CAMK2D: variants seen among roughly 807,000 people sequenced by gnomAD.
CAMK2D encodes the protein calcium/calmodulin-dependent protein kinase type II subunit delta.
Under a neutral mutation model 84.0 loss-of-function variants are expected in CAMK2D, and 37 were observed. The observed-to-expected ratio is 0.44, with a 90% confidence interval of 0.34 to 0.58. The LOEUF (loss-of-function observed/expected upper bound fraction) is 0.58, where lower values mean the gene tolerates loss of function less well. Among genes scored for constraint, CAMK2D ranks in the 20% least tolerant of loss-of-function variants. The pLI, the probability that CAMK2D is intolerant of heterozygous loss-of-function variation, is 0.02. For missense variants in CAMK2D, 448 were observed against 652.5 expected (o/e 0.69, Z 3.41); for synonymous variants, 202 against 212.5 (o/e 0.95, Z 0.43).
chr4:113,537,847 G>C (rs1560803364), intron 6 of CAMK2D, among the ~76,000 whole-genome samples: 1 of 152,108 alleles, frequency 6.6e-6, no homozygotes, highest in Non-Finnish European at 1.5e-5. Context: ...AACAAGAGTT[G>C]GACCAATCTA....
At chr4:113,617,062 A>G (rs964536745) in intron 3 of CAMK2D, among the ~76,000 whole-genome samples, 1 of 152,120 alleles carries the variant, frequency 6.6e-6, no homozygotes, top group Non-Finnish European at 1.5e-5. Context: ...ATGAATTTTG[A>G]TTGGTGATTC....
At chr4:113,749,611 A>G (rs186713279) in intron 2 of CAMK2D, among the ~76,000 whole-genome samples, 26 of 152,334 alleles carry the variant, frequency 1.7e-4, no homozygotes, top group African/African-American at 4.8e-4. Context: ...TTTTAAACTC[A>G]AACATGTTAA....
At chr4:113,741,445 A>T (rs910879739) in intron 2 of CAMK2D, among the ~76,000 whole-genome samples, 1 of 152,136 alleles carries the variant, frequency 6.6e-6, no homozygotes, top group Admixed American at 6.6e-5. Context: ...CTCATCTCTT[A>T]CTGTGACTAA....
chr4:113,618,645 C>A (rs939528413), intron 3 of CAMK2D, among the ~76,000 whole-genome samples: 1 of 151,918 alleles, frequency 6.6e-6, no homozygotes, highest in African/African-American at 2.4e-5. Context: ...ATAACATTTG[C>A]CTCTATATAT....
intron 2 of CAMK2D, among the ~76,000 whole-genome samples, chr4:113,689,832 A>T (rs2099380037): frequency 6.6e-6 from 1 of 152,188 alleles, no homozygotes; most frequent in Admixed American, 6.5e-5. Context: ...ATCTGTTCTC[A>T]TGCCCTACCA....
chr4:113,552,136 A>T (rs2098633500), intron 4 of CAMK2D, 40 bp from the exon 5 acceptor site: 1 of 978,846 alleles, frequency 1.0e-6, no homozygotes, highest in Non-Finnish European at 1.5e-6. Context: ...AAAAAGAAGC[A>T]AAAAAAAATA....
At chr4:113,512,917 A>G (rs973478709) in intron 12 of CAMK2D, among the ~76,000 whole-genome samples, 6 of 152,228 alleles carry the variant, frequency 3.9e-5, no homozygotes, top group Admixed American at 3.3e-4. Context: ...ATTCCCTATG[A>G]AAATGAGACC....
At chr4:113,636,349 G>A (rs369377960) in intron 3 of CAMK2D, among the ~76,000 whole-genome samples, 2 of 152,070 alleles carry the variant, frequency 1.3e-5, no homozygotes, top group South Asian at 2.1e-4. Context: ...TCAAGCCACC[G>A]ATTACTCCAA....
At chr4:113,525,663 G>T (rs1009919818) in intron 8 of CAMK2D, among the ~76,000 whole-genome samples, 5 of 152,140 alleles carry the variant, frequency 3.3e-5, no homozygotes, top group African/African-American at 1.2e-4. Flanking sequence ...ATAATGTACA[G>T]GCTTGTTTTA....
intron 16 of CAMK2D, among the ~76,000 whole-genome samples, chr4:113,492,011 G>A (rs1483254162): frequency 5.9e-5 from 9 of 151,778 alleles, no homozygotes; most frequent in South Asian, 2.1e-4. Flanking sequence ...TTTTTATTGC[G>A]TCTATTTGAT....
chr4:113,744,731 C>T (rs977468597), intron 2 of CAMK2D, among the ~76,000 whole-genome samples: 4 of 152,282 alleles, frequency 2.6e-5, no homozygotes, highest in African/African-American at 9.6e-5. Context: ...TTGAGAAGGT[C>T]ACAAGAACTT....
chr4:113,569,759 A>C (rs192601205), intron 4 of CAMK2D, among the ~76,000 whole-genome samples: 1 of 152,304 alleles, frequency 6.6e-6, no homozygotes, highest in Admixed American at 6.5e-5. Context: ...AAAACATTAA[A>C]TTGGCTTTTA....
intron 13 of CAMK2D, 124 bp from the exon 14 acceptor site, chr4:113,505,159 G>T (rs4834348): frequency 0.43 from 203,843 of 473,122 alleles, 46,515 homozygotes; most frequent in Middle Eastern, 0.54. Flanking sequence ...AGATGAACGT[G>T]AAAGACATGG....
intron 16 of CAMK2D, among the ~76,000 whole-genome samples, chr4:113,466,119 G>T (rs2097459612): frequency 6.6e-6 from 1 of 151,832 alleles, no homozygotes; most frequent in African/African-American, 2.4e-5. Flanking sequence ...AGCCGGGCTT[G>T]GTGGCGCATG....
chr4:113,474,053 A>T (rs1414729141), intron 16 of CAMK2D, among the ~76,000 whole-genome samples: 1 of 152,254 alleles, frequency 6.6e-6, no homozygotes, highest in African/African-American at 2.4e-5. Flanking sequence ...ACATTTGCTT[A>T]TGTGAAAGAA....
intron 4 of CAMK2D, among the ~76,000 whole-genome samples, chr4:113,589,036 T>G (rs2098846816): frequency 6.6e-6 from 1 of 152,048 alleles, no homozygotes; most frequent in African/African-American, 2.4e-5. Flanking sequence ...AGAGGAACAC[T>G]CAGGGCCAAG....
intron 3 of CAMK2D, among the ~76,000 whole-genome samples, chr4:113,623,983 T>C (rs1003233255): frequency 2.0e-5 from 3 of 152,110 alleles, no homozygotes; most frequent in African/African-American, 7.2e-5. Flanking sequence ...TAACTGATAA[T>C]CTATTGTTTC....
At chr4:113,726,234 G>A (rs2099545361) in intron 2 of CAMK2D, among the ~76,000 whole-genome samples, 1 of 152,000 alleles carries the variant, frequency 6.6e-6, no homozygotes, top group South Asian at 2.1e-4. Flanking sequence ...TTGACTTACT[G>A]GAAAATTCAA....
intron 4 of CAMK2D, among the ~76,000 whole-genome samples, chr4:113,553,763 C>T (rs868729867): frequency 6.6e-6 from 1 of 152,102 alleles, no homozygotes; most frequent in African/African-American, 2.4e-5. Flanking sequence ...TACGTAATTC[C>T]ATTTAATAGC....
Sources: allele counts gnomAD v4.1 joint callset (sites outside exome capture counted in the v4.1 genomes callset), GRCh38; gene constraint gnomAD v4.1.1; transcripts MANE v1.5; gene names NCBI Gene and HGNC (gene_info 2026-07-23, HGNC 2026-07-21).